The following KDM5B variants were observed in gnomAD, a reference collection of about 807,000 sequenced individuals.
KDM5B encodes the protein lysine demethylase 5B, also known as lysine-specific demethylase 5B.
KDM5B carries 144 observed loss-of-function variants against 193.4 expected under a neutral mutation model. The observed-to-expected ratio is 0.74, with a 90% CI of 0.65 to 0.86. KDM5B has a LOEUF of 0.86. KDM5B is among the 40% of genes least tolerant of loss of function. The pLI, the probability that KDM5B is intolerant of heterozygous loss-of-function variation, is 0.00. For synonymous variants in KDM5B, 668 were observed against 682.6 expected, an observed-to-expected ratio of 0.98 and a Z score of 0.33; for missense variants, 1,833 against 1,886.9, an observed-to-expected ratio of 0.97 and a Z score of 0.53.
chr1:202,773,121 T>C lies in KDM5B; in HGVS notation c.573A>G (p.Leu191=), dbSNP rs1029422943. Residue 191 remains leucine (L), a synonymous_variant, in exon 4 of 27, where the codon CTA becomes CTG. Transcript: ENST00000367265. ...TAAGGCTAGCCCCCAAACTTACCCT[T>C]AGGCTGTCTCCGGACAGGAATAAGT... ...PYNLFLSGDS[L]RCLQKPNLTT... is the part of the protein sequence containing the mutation. 6.2e-7 allele frequency: 1 copy of C among 1,609,828 alleles called. No individual in the cohort carries two copies. Among genetic ancestry groups the C allele is most frequent in the Non-Finnish European group, 8.5e-7 (1 of 1,176,376 alleles).
At chr1:202,804,624 C>T (rs73087590) in intron 1 of KDM5B, among the ~76,000 whole-genome samples, 1,679 of 152,218 alleles carry the variant, frequency 0.011, 32 homozygotes, top group African/African-American at 0.038. Context: ...AGGAATCAAA[C>T]TAGTAACCAC....
At chr1:202,738,001 CTA>C (rs938521872) in intron 20 of KDM5B, among the ~76,000 whole-genome samples, 2 of 152,240 alleles carry the variant, frequency 1.3e-5, no homozygotes, top group African/African-American at 4.8e-5. Flanking sequence ...AATGCTATTC[CTA>C]TGATATTTAA....
In KDM5B at chr1:202,766,983, A is replaced by T; in HGVS notation, c.654T>A (p.Ser218=). The change falls in exon 5 of 27, where the codon TCT becomes TCA. Residue 218 remains serine (S), a synonymous_variant. Coordinates refer to ENST00000367265, the MANE Select transcript of KDM5B (RefSeq NM_006618.5). The part of the protein sequence containing the change: ...YKPHDIPQRQ[S]VQPSETCPPA... ...GGGGGCACGTTTCCGAAGGCTGCAC[A>T]GACTGCCTCTGGGGAATATCATGGG... is the stretch of plus-strand genomic sequence containing the variant. 1 of 1,594,216 alleles carries T rather than the reference A, an allele frequency of 6.3e-7. No individual in the cohort carries two copies. The highest frequency in any genetic ancestry group is 8.5e-7 in the Non-Finnish European group (1 of 1,175,448).
intron 4 of KDM5B, among the ~76,000 whole-genome samples, chr1:202,771,399 T>A (rs77053031): frequency 6.0e-3 from 70 of 11,608 alleles, no homozygotes; most frequent in African/African-American, 7.6e-3. Flanking sequence ...ATCCAGCTAA[T>A]TTTTTTTTTT....
At chr1:202,775,992 G>T (rs1656941328) in intron 2 of KDM5B, 1 of 150,782 alleles carries the variant, frequency 6.6e-6, no homozygotes, top group Non-Finnish European at 1.5e-5. Flanking sequence ...CACTTTGGGA[G>T]GCCAAGGCAG....
intron 5 of KDM5B, among the ~76,000 whole-genome samples, chr1:202,764,992 T>C (rs1656391845): frequency 6.6e-6 from 1 of 152,154 alleles, no homozygotes; most frequent in African/African-American, 2.4e-5. Flanking sequence ...CAAAGAGAAG[T>C]GTTTCTATTC....
intron 18 of KDM5B, 99 bp downstream of exon 18, chr1:202,742,292 T>C (rs1466369555): frequency 2.5e-6 from 2 of 791,054 alleles, no homozygotes; most frequent in Non-Finnish European, 4.2e-6. Flanking sequence ...TAAATGTACA[T>C]ATTAATCATC....
intron 14 of KDM5B, among the ~76,000 whole-genome samples, chr1:202,748,590 C>T (rs959228652): frequency 1.3e-5 from 2 of 151,868 alleles, no homozygotes; most frequent in South Asian, 2.1e-4. Flanking sequence ...AAGGGCAAGC[C>T]GGGTGTGGTG....
intron 18 of KDM5B, 134 bp from the exon 19 acceptor site, chr1:202,741,856 CA>C (rs1433171774): frequency 1.6e-6 from 1 of 613,194 alleles, no homozygotes; most frequent in East Asian, 2.8e-5. Context: ...AATAAGATAA[CA>C]CATAAGCCAA....
intron 1 of KDM5B, among the ~76,000 whole-genome samples, chr1:202,793,955 C>T (rs968630623): frequency 6.6e-6 from 1 of 152,192 alleles, no homozygotes; most frequent in Non-Finnish European, 1.5e-5. Context: ...GCCAGCCTCC[C>T]ACTGGAAAAT....
chr1:202,791,754 T>C (rs1657651558), intron 1 of KDM5B, among the ~76,000 whole-genome samples: 1 of 152,208 alleles, frequency 6.6e-6, no homozygotes, highest in African/African-American at 2.4e-5. Context: ...AGTCTTGCTC[T>C]GTCACCCAGG....
intron 14 of KDM5B, among the ~76,000 whole-genome samples, chr1:202,747,269 G>A (rs1375232474): frequency 6.6e-6 from 1 of 152,108 alleles, no homozygotes; most frequent in Non-Finnish European, 1.5e-5. Flanking sequence ...GATGGAGAAA[G>A]TTAACATTTT....
At chr1:202,785,122 T>C (rs1349967818) in intron 1 of KDM5B, among the ~76,000 whole-genome samples, 1 of 152,212 alleles carries the variant, frequency 6.6e-6, no homozygotes, top group East Asian at 1.9e-4. Context: ...ATTATAATTA[T>C]GTTAAGTTCT....
intron 1 of KDM5B, among the ~76,000 whole-genome samples, chr1:202,797,698 T>G (rs996114128): frequency 6.6e-6 from 1 of 152,324 alleles, no homozygotes; most frequent in African/African-American, 2.4e-5. Context: ...ATCCTTCTAT[T>G]TGCGTGGCTT....
intron 1 of KDM5B, among the ~76,000 whole-genome samples, chr1:202,807,517 C>T (rs1289246479): frequency 2.0e-5 from 3 of 151,926 alleles, no homozygotes; most frequent in Non-Finnish European, 2.9e-5. Context: ...TGGAGGGGTG[C>T]CCTGGTCTGG....
chr1:202,745,722 G>A lies in KDM5B; in HGVS notation c.2323+136C>T, dbSNP rs1336467647. The A allele has an allele frequency of 3.2e-6, 3 of 939,740 alleles. No homozygotes were observed. In the African/African-American group the frequency reaches 4.9e-5, roughly 15 times the overall value. 58.2% of individuals were successfully genotyped at this position (939,740 alleles called of 1,614,324 possible). A position where few individuals can be genotyped will look rare whatever the true frequency, so the allele number is the denominator to read the frequency against. ...TTAAAACCTTCTCTGCCGGTGCTCT[G>A]TAAACCGGGCTATGTAGAGGGGCTA... On this transcript the variant is annotated intron_variant, in intron 16 of 26. Transcript: ENST00000367265.
intron 9 of KDM5B, 69 bp downstream of exon 9, chr1:202,758,322 G>A: frequency 7.3e-7 from 1 of 1,374,572 alleles, no homozygotes; most frequent in South Asian, 1.6e-5. Context: ...AACTAAAAAT[G>A]GGTCTTCAGG....
Position 202,804,905 on chromosome 1 carries a change from G to A in KDM5B, c.204+3197C>T, listed in dbSNP as rs185705635. ...AAAGAAATTTGTGGAATCTATCTAT[G>A]GCCAAATGTGAGACATTTGAAAGCA... On this transcript the variant is annotated intron_variant, in intron 1 of 26. Transcript: ENST00000367265. Among the ~76,000 whole-genome samples, 55 of 151,100 alleles carry A rather than the reference G, an allele frequency of 3.6e-4. No individual in the cohort carries two copies. The East Asian group carries it at 8.5e-3, about 23-fold the overall frequency.
intron 2 of KDM5B, 41 bp from the exon 3 acceptor site, chr1:202,774,776 T>C: frequency 6.3e-7 from 1 of 1,584,082 alleles, no homozygotes; most frequent in Non-Finnish European, 8.6e-7. Flanking sequence ...ATTTAGCTTA[T>C]TTTAAAGCTC....
Sources: allele counts gnomAD v4.1 joint callset (sites outside exome capture counted in the v4.1 genomes callset), GRCh38; gene constraint gnomAD v4.1.1; transcripts MANE v1.5; gene names NCBI Gene and HGNC (gene_info 2026-07-23, HGNC 2026-07-21).